The following FAM78B variants were observed in gnomAD, a reference collection of about 807,000 sequenced individuals.
FAM78B encodes family with sequence similarity 78 member B.
A neutral mutation model predicts 20.0 loss-of-function variants in FAM78B; 10 were observed. That is an observed-to-expected ratio of 0.50 (90% CI 0.31 to 0.85). The LOEUF (loss-of-function observed/expected upper bound fraction) is 0.85. FAM78B is among the 40% of genes least tolerant of loss of function. The probability of loss-of-function intolerance (pLI) is 0.05; values close to 1 mark genes in which losing one functional copy is unlikely to be tolerated. For missense variants in FAM78B, 283 were observed against 345.0 expected (o/e 0.82, Z 1.42); for synonymous variants, 135 against 132.8 (o/e 1.02, Z -0.12).
chr1:166,132,512 A>G (rs754574081), intron 1 of FAM78B, among the ~76,000 whole-genome samples: 2 of 152,176 alleles, frequency 1.3e-5, no homozygotes, highest in Non-Finnish European at 2.9e-5. Context: ...GGTGTGTGCA[A>G]AGTAAGTGGC....
chr1:166,116,329 T>G (rs1654250602), intron 1 of FAM78B, among the ~76,000 whole-genome samples: 1 of 152,170 alleles, frequency 6.6e-6, no homozygotes, highest in Non-Finnish European at 1.5e-5. Flanking sequence ...AGGTGGCCAC[T>G]AGGCTGCAGG....
chr1:166,138,238 A>G lies in FAM78B; in HGVS notation c.263+27748T>C, dbSNP rs367745717. The stretch of plus-strand genomic sequence containing the variant: ...ACTTCTGCCCCTCCTCACTCCCCTC[A>G]TCAAAGGCTTCATCCCCAACTCTCC... On this transcript the variant is annotated intron_variant, in intron 1 of 1. Coordinates refer to ENST00000354422, the MANE Select transcript of FAM78B (RefSeq NM_001017961.5). Among the ~76,000 whole-genome samples the G allele has an allele frequency of 3.9e-5, 6 of 152,018 alleles. No homozygotes were observed. The East Asian group carries it at 1.2e-3, about 29-fold the overall frequency.
intron 1 of FAM78B, among the ~76,000 whole-genome samples, chr1:166,104,399 A>C (rs1653676598): frequency 6.6e-6 from 1 of 152,196 alleles, no homozygotes. Flanking sequence ...AATTAGGAAA[A>C]GAGGAAGTCA....
chr1:166,150,137 T>G (rs76742794), intron 1 of FAM78B, among the ~76,000 whole-genome samples: 4,049 of 152,184 alleles, frequency 0.027, 230 homozygotes, highest in Admixed American at 0.13. Context: ...GGAATGCATC[T>G]CAGAGAAACT....
intron 1 of FAM78B, among the ~76,000 whole-genome samples, chr1:166,153,309 G>A (rs549446245): frequency 3.9e-4 from 59 of 152,312 alleles, no homozygotes; most frequent in African/African-American, 1.3e-3. Context: ...CAGGGGTCTG[G>A]GGAAGGGCAT....
At chr1:166,059,217 AG>A (rs1194066390) in exon 3 of FAM78B, 2 of 152,740 alleles carry the variant, frequency 1.3e-5, no homozygotes, top group Non-Finnish European at 2.9e-5. Flanking sequence ...AACCAGCCTC[AG>A]AGTACCACTC....
rs1309239198 is a variant in FAM78B at position 166,070,471 on chromosome 1, G to A, written c.556C>T (p.Leu186=). ...CTCATCCTCCACTTGATGGTCTGCAGAATGATCTTCTCCTTTGTGGTGGTG... is the reference window on the plus strand; with the variant it reads ...CTCATCCTCCACTTGATGGTCTGCAAAATGATCTTCTCCTTTGTGGTGGTG... ...MNTTTKEKII[L]QTIKWRMRVD... is the part of the protein sequence containing the mutation. Residue 186 remains leucine, a synonymous_variant, in exon 2 of 2, where the codon CTG becomes TTG. Transcript: ENST00000354422. 6.2e-7 allele frequency: 1 copy of A among 1,614,214 alleles called. No homozygotes were observed. The highest frequency in any genetic ancestry group is 1.1e-5 in the South Asian group (1 of 91,082).
intron 1 of FAM78B, among the ~76,000 whole-genome samples, chr1:166,074,528 A>G (rs1055798842): frequency 1.3e-5 from 2 of 152,184 alleles, no homozygotes; most frequent in African/African-American, 2.4e-5. Flanking sequence ...GGCACATAAA[A>G]CTTAATAACT....
intron 1 of FAM78B, among the ~76,000 whole-genome samples, chr1:166,113,786 T>C (rs1191317040): frequency 1.3e-5 from 2 of 152,138 alleles, no homozygotes; most frequent in Non-Finnish European, 2.9e-5. Context: ...TGAACAGGCA[T>C]AGGAGATGGG....
chr1:166,132,231 A>G (rs900886506), intron 1 of FAM78B, among the ~76,000 whole-genome samples: 1 of 152,074 alleles, frequency 6.6e-6, no homozygotes, highest in African/African-American at 2.4e-5. Context: ...AGCTGAAAGG[A>G]TATGTTTTGG....
chr1:166,056,526 C>T (rs962036506), downstream of FAM78B, among the ~76,000 whole-genome samples: 4 of 152,136 alleles, frequency 2.6e-5, no homozygotes, highest in Admixed American at 2.6e-4. Flanking sequence ...AGTTCCCACT[C>T]TTGCCTGGAT....
chr1:166,109,444 C>A (rs1653912380), intron 1 of FAM78B, among the ~76,000 whole-genome samples: 1 of 152,052 alleles, frequency 6.6e-6, no homozygotes, highest in African/African-American at 2.4e-5. Context: ...AAATGCAAAT[C>A]AAAACCACAA....
chr1:166,109,852 A>ACATG (rs1653948641), intron 1 of FAM78B, among the ~76,000 whole-genome samples: 4 of 25,450 alleles, frequency 1.6e-4, no homozygotes, highest in African/African-American at 4.4e-4. Context: ...ATATATATAT[A>ACATG]TATATATATG....
intron 1 of FAM78B, among the ~76,000 whole-genome samples, chr1:166,159,914 AG>A (rs1656078505): frequency 6.6e-6 from 1 of 152,220 alleles, no homozygotes. Context: ...TTAAAGGCAA[AG>A]GGTCATCTCC....
Position 166,157,891 on chromosome 1 carries a change from G to A in FAM78B, c.263+8095C>T, listed in dbSNP as rs114666383. Among the ~76,000 whole-genome samples the A allele has an allele frequency of 3.1e-3, 477 of 152,268 alleles. 1 individual carries two copies. Among genetic ancestry groups the A allele is most frequent in the African/African-American group, 0.011 (457 of 41,554 alleles). On this transcript the variant is annotated intron_variant, in intron 1 of 1. Coordinates refer to ENST00000354422, the MANE Select transcript of FAM78B (RefSeq NM_001017961.5). ...AGGATGTCGTCCCCCTGCTCCCAAG[G>A]AATGTGCTCCTCAGCATGAAAGGAG...
intron 1 of FAM78B, among the ~76,000 whole-genome samples, chr1:166,109,853 TA>T: frequency 3.9e-5 from 1 of 25,592 alleles, no homozygotes; most frequent in East Asian, 2.6e-3. Flanking sequence ...TATATATATA[TA>T]TATATATGTA....
chr1:166,119,001 C>T (rs1019744949), intron 1 of FAM78B, among the ~76,000 whole-genome samples: 1 of 152,146 alleles, frequency 6.6e-6, no homozygotes, highest in Non-Finnish European at 1.5e-5. Flanking sequence ...CTGCTGGCCA[C>T]AGGACAGGCC....
intron 1 of FAM78B, among the ~76,000 whole-genome samples, chr1:166,133,765 C>T (rs1409079999): frequency 1.3e-5 from 2 of 152,216 alleles, no homozygotes; most frequent in Non-Finnish European, 2.9e-5. Flanking sequence ...GCTTCAATTG[C>T]ACTGGCTTCT....
At chr1:166,131,894 TGG>T (rs982817050) in intron 1 of FAM78B, among the ~76,000 whole-genome samples, 1 of 152,132 alleles carries the variant, frequency 6.6e-6, no homozygotes, top group Non-Finnish European at 1.5e-5. Context: ...AATAGTCAGC[TGG>T]GGGCAGAAGA....
Sources: allele counts gnomAD v4.1 joint callset (sites outside exome capture counted in the v4.1 genomes callset), GRCh38; gene constraint gnomAD v4.1.1; transcripts MANE v1.5; gene names NCBI Gene and HGNC (gene_info 2026-07-23, HGNC 2026-07-21).